The following RARRES1 variants were observed in gnomAD, a reference collection of about 807,000 sequenced individuals.
RARRES1 encodes the protein retinoic acid receptor responder protein 1.
In RARRES1, 34 loss-of-function variants were observed where a neutral mutation model predicts 30.6. The ratio of observed to expected loss-of-function variants is 1.11; its 90% CI spans 0.84 to 1.48. RARRES1 has a LOEUF of 1.48. RARRES1 is among the 40% of genes most tolerant of loss of function. The pLI is 0.00. For synonymous variants in RARRES1, 153 were observed against 155.5 expected (o/e 0.98, Z 0.12); for missense variants, 373 against 386.5 (o/e 0.97, Z 0.29).
At position 158,713,596 on chromosome 3, in the gene RARRES1, G is replaced by A. The variant is rs141813910; in HGVS notation, c.339+201C>T. ...TGGATTGTTTTAAATGCAACCCTGC[G>A]TTAAGACCATGAAGTTGAAGTAGTT... On this transcript the variant is annotated intron_variant, in intron 2 of 5. Coordinates refer to ENST00000237696, the MANE Select transcript of RARRES1 (RefSeq NM_206963.2). Among the ~76,000 whole-genome samples, 802 of 152,262 alleles carry A rather than the reference G, an allele frequency of 5.3e-3. 10 individuals carry two copies. Among genetic ancestry groups the A allele is most frequent in the African/African-American group, 0.018 (765 of 41,558 alleles).
chr3:158,714,253 C>T (rs907250488), intron 1 of RARRES1, among the ~76,000 whole-genome samples: 2 of 152,204 alleles, frequency 1.3e-5, no homozygotes, highest in Non-Finnish European at 2.9e-5. Context: ...GACTTGCCCT[C>T]CTGCCACCCA....
chr3:158,729,149 T>C (rs1344191236), intron 1 of RARRES1, among the ~76,000 whole-genome samples: 1 of 152,126 alleles, frequency 6.6e-6, no homozygotes, highest in Non-Finnish European at 1.5e-5. Flanking sequence ...CTGACATTGT[T>C]GGCAGAACAT....
In RARRES1 at chr3:158,713,797, C is replaced by T. The variant is rs779816724; in HGVS notation, c.339G>A (p.Glu113=). ...TACTTTGCCAATTGTGGCAGCTTAC[C>T]TCTGGGTTGTAGCGCTCTGTGCTGA... ...VVFSTERYNP[E]SLLQEGEGRL... is the part of the protein sequence containing the mutation. The change falls in exon 2 of 6, where the codon GAG becomes GAA. Residue 113 remains glutamate (E), a splice_region_variant and synonymous_variant. Coordinates refer to ENST00000237696, the MANE Select transcript of RARRES1 (RefSeq NM_206963.2). 1.2e-6 allele frequency: 2 copies of T among 1,612,076 alleles called. No homozygotes were observed. Among genetic ancestry groups the T allele is most frequent in the Non-Finnish European group, 1.7e-6 (2 of 1,179,266 alleles).
intron 1 of RARRES1, among the ~76,000 whole-genome samples, chr3:158,722,294 C>A (rs1214870528): frequency 6.6e-6 from 1 of 152,166 alleles, no homozygotes; most frequent in Non-Finnish European, 1.5e-5. Flanking sequence ...TCAGTGAAAG[C>A]TGTTTATACT....
intron 1 of RARRES1, among the ~76,000 whole-genome samples, chr3:158,729,739 A>G (rs944823659): frequency 5.3e-5 from 8 of 152,212 alleles, no homozygotes; most frequent in Middle Eastern, 3.4e-3. Flanking sequence ...GGCGTGAGCC[A>G]CCGCGCCCAG....
intron 1 of RARRES1, among the ~76,000 whole-genome samples, chr3:158,714,780 G>T (rs1176634220): frequency 6.6e-6 from 1 of 152,172 alleles, no homozygotes; most frequent in Admixed American, 6.5e-5. Context: ...AAGGGAACTT[G>T]CTGTTGTATA....
At chr3:158,704,325 T>A (rs1390438404) in intron 4 of RARRES1, among the ~76,000 whole-genome samples, 1 of 146,444 alleles carries the variant, frequency 6.8e-6, no homozygotes, top group African/African-American at 2.5e-5. Flanking sequence ...CTCCAACTCC[T>A]GGATCAAGCA....
chr3:158,702,748 C>G (rs926288336), intron 4 of RARRES1, among the ~76,000 whole-genome samples: 1 of 152,092 alleles, frequency 6.6e-6, no homozygotes, highest in African/African-American at 2.4e-5. Flanking sequence ...GTGTCAGAAA[C>G]AGGTAGAAAC....
At chr3:158,711,533 G>C (rs1202577263) in intron 2 of RARRES1, among the ~76,000 whole-genome samples, 1 of 151,822 alleles carries the variant, frequency 6.6e-6, no homozygotes, top group Non-Finnish European at 1.5e-5. Flanking sequence ...AGAAATGGGG[G>C]CACTGATCCA....
chr3:158,732,161 C>T lies in RARRES1; in HGVS notation c.255G>A (p.Glu85=). Residue 85 remains glutamate, a synonymous_variant, in exon 1 of 6, where the codon GAG becomes GAA. Transcript: ENST00000237696. ...GSPSALRVLA[E]VQEGRAWINP... The stretch of plus-strand genomic sequence containing the variant: ...TCACCCACGCGCGGCCCTCCTGCAC[C>T]TCGGCCAGCACTCGTAGCGCGCTGG... 3.6e-6 allele frequency: 5 copies of T among 1,406,314 alleles called. No homozygotes were observed. Among genetic ancestry groups the T allele is most frequent in the Non-Finnish European group, 4.6e-6 (5 of 1,087,788 alleles). The allele number at this position is 1,406,314 out of a possible 1,614,324, so 87.1% of individuals were successfully genotyped here.
intron 3 of RARRES1, among the ~76,000 whole-genome samples, chr3:158,709,361 A>G (rs1026548191): frequency 3.9e-5 from 6 of 152,226 alleles, no homozygotes; most frequent in Non-Finnish European, 5.9e-5. Flanking sequence ...CTAAAGGAAA[A>G]CAATTCCTAA....
chr3:158,699,557 G>C (rs1726658619), intron 4 of RARRES1, among the ~76,000 whole-genome samples: 1 of 151,474 alleles, frequency 6.6e-6, no homozygotes, highest in Admixed American at 6.6e-5. Context: ...CCTAGTATTT[G>C]TTTTAAGCTC....
At chr3:158,730,417 T>TTC (rs1434418366) in intron 1 of RARRES1, among the ~76,000 whole-genome samples, 11 of 144,906 alleles carry the variant, frequency 7.6e-5, no homozygotes, top group Non-Finnish European at 1.1e-4. Flanking sequence ...CCTTCCTTCC[T>TTC]CTCTCTCTTT....
chr3:158,728,516 CTT>C (rs755791546), intron 1 of RARRES1, among the ~76,000 whole-genome samples: 27 of 133,910 alleles, frequency 2.0e-4, no homozygotes, highest in Admixed American at 3.7e-4. Context: ...CTTTTTCTTT[CTT>C]TTTTTTTTTT....
rs145290079 is a variant in RARRES1, at chr3:158,704,846, A to G, written c.617T>C (p.Met206Thr). 10 of 1,613,976 alleles carry G rather than the reference A, an allele frequency of 6.2e-6. No individual in the cohort carries two copies. In the African/African-American group the frequency reaches 1.3e-4, roughly 22 times the overall value. The part of the protein sequence containing the change: ...FLGSSYVMWE[M>T]TTQVSHYYLA... ...GTAGTAGTGTGACACCTGTGTTGTC[A>G]TTTCCCACATCACGTAAGAGCTTCC... Residue 206 changes from methionine (M) to threonine (T), a missense_variant, in exon 4 of 6, where the codon ATG becomes ACG. Physicochemically the swap from Met to Thr is moderately conservative, Grantham distance 81. Coordinates refer to ENST00000237696, the MANE Select transcript of RARRES1 (RefSeq NM_206963.2).
rs757596012 is a variant in RARRES1, at chr3:158,697,694, T to C, written c.869A>G (p.Glu290Gly). The change falls in exon 6 of 6, where the codon GAG (glutamate) becomes GGG (glycine). Residue 290 changes from glutamate to glycine, a missense_variant. Coordinates refer to ENST00000237696, the MANE Select transcript of RARRES1 (RefSeq NM_206963.2). The part of the protein sequence containing the change: ...TEEGSAVVPT[E>G]LSNF Reference sequence around the variant, plus strand: ...TTTTTCTTTTTAGAAATTACTAAGCTCTGTTGGTACTACAGCTGATCCTTC... The same window carrying C: ...TTTTTCTTTTTAGAAATTACTAAGCCCTGTTGGTACTACAGCTGATCCTTC... The C allele has an allele frequency of 3.7e-6, 6 of 1,612,478 alleles. No individual in the cohort carries two copies. The highest frequency in any genetic ancestry group is 5.1e-6 in the Non-Finnish European group (6 of 1,178,992).
At chr3:158,703,404 T>C (rs925344257) in intron 4 of RARRES1, among the ~76,000 whole-genome samples, 1 of 152,136 alleles carries the variant, frequency 6.6e-6, no homozygotes, top group Non-Finnish European at 1.5e-5. Flanking sequence ...ATAAACATGC[T>C]GTTATGTCTC....
chr3:158,714,111 CTT>C (rs1727241374), intron 1 of RARRES1, among the ~76,000 whole-genome samples: 1 of 152,098 alleles, frequency 6.6e-6, no homozygotes, highest in South Asian at 2.1e-4. Flanking sequence ...ACTGGAGTGA[CTT>C]TGTGAGAGCA....
intron 1 of RARRES1, among the ~76,000 whole-genome samples, chr3:158,720,273 T>TGAGA (rs968371151): frequency 7.7e-4 from 111 of 144,532 alleles, no homozygotes; most frequent in Non-Finnish European, 1.1e-3. Context: ...TGTATGTGTG[T>TGAGA]GAGAGAGAGA....
Sources: allele counts gnomAD v4.1 joint callset (sites outside exome capture counted in the v4.1 genomes callset), GRCh38; gene constraint gnomAD v4.1.1; transcripts MANE v1.5; gene names NCBI Gene and HGNC (gene_info 2026-07-23, HGNC 2026-07-21).